Variants in FRMD4B observed in about 807,000 individuals in gnomAD.
FRMD4B encodes FERM domain-containing protein 4B.
A neutral mutation model predicts 141.5 loss-of-function variants in FRMD4B; 74 were observed. The observed-to-expected ratio is 0.52, with a 90% CI of 0.43 to 0.63. The LOEUF (loss-of-function observed/expected upper bound fraction) is 0.63, where lower values mean the gene tolerates loss of function less well. Ranked by LOEUF, FRMD4B falls within the 30% of genes least tolerant of loss-of-function variation. The pLI is 0.00. For synonymous variants in FRMD4B, 506 were observed against 467.9 expected (o/e 1.08, Z -1.05); for missense variants, 1,366 against 1,253.4 (o/e 1.09, Z -1.36).
intron 2 of FRMD4B, among the ~76,000 whole-genome samples, chr3:69,405,532 G>T (rs780463029): frequency 3.3e-5 from 5 of 152,212 alleles, no homozygotes; most frequent in Non-Finnish European, 5.9e-5. Context: ...TGTGTGAAAA[G>T]AACATTTTCC....
intron 1 of FRMD4B, among the ~76,000 whole-genome samples, chr3:69,355,557 G>A (rs951796358): frequency 3.9e-5 from 6 of 152,116 alleles, no homozygotes; most frequent in African/African-American, 1.2e-4. Flanking sequence ...AAGGACAATC[G>A]GAATGTTGAT....
At chr3:69,403,886 C>T (rs530734067) in intron 2 of FRMD4B, among the ~76,000 whole-genome samples, 1 of 152,206 alleles carries the variant, frequency 6.6e-6, no homozygotes, top group Admixed American at 6.5e-5. Context: ...AGAGACATGT[C>T]TATCCCTAAA....
chr3:69,483,046 T>G (rs1207510063), intron 1 of FRMD4B, among the ~76,000 whole-genome samples: 1 of 152,208 alleles, frequency 6.6e-6, no homozygotes, highest in Non-Finnish European at 1.5e-5. Context: ...GGAATATCGG[T>G]CTTCCTTTGA....
rs78919974 is a variant in FRMD4B, at chr3:69,221,863, C to T, written c.726G>A (p.Val242=). ...GCAAAAGGAAAGATACTTACTGAACCACAGCTTGACCTCGAGTGAGACCTT... is the reference window on the plus strand; with the variant it reads ...GCAAAAGGAAAGATACTTACTGAACTACAGCTTGACCTCGAGTGAGACCTT... ...KIKGLTRGQA[V]VQYMKIVEAL... Residue 242 remains valine, a synonymous_variant, in exon 9 of 23, where the codon GTG becomes GTA. Transcript: ENST00000398540. 4.0e-6 allele frequency: 6 copies of T among 1,516,998 alleles called. No individual in the cohort carries two copies. Among genetic ancestry groups the T allele is most frequent in the South Asian group, 3.5e-5 (3 of 86,376 alleles). The allele number at this position is 1,516,998 out of a possible 1,614,324, so 94.0% of individuals were successfully genotyped here. A position where few individuals can be genotyped will look rare whatever the true frequency, so the allele number is the denominator to read the frequency against.
intron 2 of FRMD4B, among the ~76,000 whole-genome samples, chr3:69,395,976 A>C (rs1262641961): frequency 2.6e-5 from 4 of 152,332 alleles, no homozygotes; most frequent in African/African-American, 9.6e-5. Context: ...TCACCCTAAA[A>C]CAGTTCCATT....
At chr3:69,295,350 C>T (rs1701003229) in intron 4 of FRMD4B, among the ~76,000 whole-genome samples, 1 of 152,174 alleles carries the variant, frequency 6.6e-6, no homozygotes, top group African/African-American at 2.4e-5. Flanking sequence ...GAGACAGGGT[C>T]TTGCTCTGCT....
intron 1 of FRMD4B, among the ~76,000 whole-genome samples, chr3:69,362,315 C>T (rs577312083): frequency 2.6e-5 from 4 of 152,306 alleles, no homozygotes; most frequent in Non-Finnish European, 5.9e-5. Flanking sequence ...CAGATGAAGG[C>T]TTTGAACCTA....
chr3:69,186,749 G>A (rs2092771953), intron 19 of FRMD4B, among the ~76,000 whole-genome samples: 1 of 152,198 alleles, frequency 6.6e-6, no homozygotes, highest in Non-Finnish European at 1.5e-5. Context: ...AGGTTGCCCA[G>A]ACTGGTCTCC....
chr3:69,440,309 T>C (rs1277901677), intron 1 of FRMD4B, among the ~76,000 whole-genome samples: 3 of 152,248 alleles, frequency 2.0e-5, no homozygotes. Context: ...CTTTTGATAC[T>C]GTGTTTTCCT....
intron 1 of FRMD4B, among the ~76,000 whole-genome samples, chr3:69,366,714 C>T (rs201326759): frequency 9.7e-6 from 1 of 102,860 alleles, no homozygotes; most frequent in African/African-American, 4.4e-5. Context: ...CAAACACGAC[C>T]TTTTTTTTCA....
chr3:69,285,672 C>T (rs1293538099), intron 5 of FRMD4B, among the ~76,000 whole-genome samples: 1 of 151,952 alleles, frequency 6.6e-6, no homozygotes, highest in Non-Finnish European at 1.5e-5. Flanking sequence ...GGCGAAACCC[C>T]ATTGCTACAA....
At chr3:69,354,111 A>G (rs1703244237) in intron 1 of FRMD4B, among the ~76,000 whole-genome samples, 1 of 152,216 alleles carries the variant, frequency 6.6e-6, no homozygotes, top group African/African-American at 2.4e-5. Context: ...TTCCACTCAG[A>G]AAGAAACTTA....
chr3:69,216,815 C>T (rs561502589), intron 10 of FRMD4B, among the ~76,000 whole-genome samples: 2 of 152,248 alleles, frequency 1.3e-5, no homozygotes, highest in African/African-American at 4.8e-5. Context: ...GTTATTAAAA[C>T]ACCTACTTGG....
intron 1 of FRMD4B, among the ~76,000 whole-genome samples, chr3:69,450,322 A>G (rs1455407256): frequency 6.6e-6 from 1 of 152,210 alleles, no homozygotes; most frequent in Admixed American, 6.5e-5. Flanking sequence ...CAGGAATTAT[A>G]GATCAGCCTG....
chr3:69,437,728 ATAT>A (rs1464143800), intron 1 of FRMD4B, among the ~76,000 whole-genome samples: 3 of 130,808 alleles, frequency 2.3e-5, no homozygotes, highest in East Asian at 2.1e-4. Flanking sequence ...ATATAAATAC[ATAT>A]TATATACAAT....
chr3:69,236,302 C>T (rs1311496178), intron 7 of FRMD4B, among the ~76,000 whole-genome samples: 1 of 151,038 alleles, frequency 6.6e-6, no homozygotes, highest in East Asian at 2.0e-4. Flanking sequence ...AATCTCAGCT[C>T]ACTGCAAGCT....
In FRMD4B at chr3:69,171,683, G is replaced by A. The variant is rs2092587758; in HGVS notation, c.*178C>T. ...GTTTGAAAGGCCAAATCCTCCTTTA[G>A]GGGCTTTGTGGGGCTTGGTGTGTGA... On this transcript the variant is annotated 3_prime_UTR_variant, in exon 23 of 23. Coordinates refer to ENST00000398540, the MANE Select transcript of FRMD4B (RefSeq NM_015123.3). 1 of 616,974 alleles carries A rather than the reference G, an allele frequency of 1.6e-6. No individual in the cohort carries two copies. Among genetic ancestry groups the A allele is most frequent in the African/African-American group, 1.8e-5 (1 of 54,432 alleles). 38.2% of individuals were successfully genotyped at this position (616,974 alleles called of 1,614,324 possible).
intron 2 of FRMD4B, among the ~76,000 whole-genome samples, chr3:69,407,447 C>T (rs1286777434): frequency 2.0e-5 from 3 of 152,174 alleles, no homozygotes; most frequent in Non-Finnish European, 2.9e-5. Context: ...TCATACAACA[C>T]GGTCCCTAAC....
chr3:69,379,253 C>T (rs968859546), intron 1 of FRMD4B, among the ~76,000 whole-genome samples: 8 of 152,042 alleles, frequency 5.3e-5, no homozygotes, highest in African/African-American at 1.9e-4. Flanking sequence ...TCATCTTGAA[C>T]ATTTGTTTTT....
Sources: allele counts gnomAD v4.1 joint callset (sites outside exome capture counted in the v4.1 genomes callset), GRCh38; gene constraint gnomAD v4.1.1; transcripts MANE v1.5; gene names NCBI Gene and HGNC (gene_info 2026-07-23, HGNC 2026-07-21).